The following METTL16 variants were observed in gnomAD, a reference collection of about 807,000 sequenced individuals.
The protein encoded by METTL16 is methyltransferase 16, RNA N6-adenosine, also known as RNA N(6)-adenosine-methyltransferase METTL16.
A neutral mutation model predicts 57.9 loss-of-function variants in METTL16; 19 were observed. The observed-to-expected ratio is 0.33, with a 90% CI of 0.23 to 0.48. The LOEUF is 0.48. METTL16 is among the 20% of genes least tolerant of loss of function. The pLI is 0.99. For synonymous variants in METTL16, 246 were observed against 255.6 expected (o/e 0.96, Z 0.36); for missense variants, 434 against 691.5 (o/e 0.63, Z 4.18).
rs1164558795 is a variant in METTL16 at position 2,503,944 on chromosome 17, C to T, written c.1-1613G>A. Reference sequence around the variant, plus strand: ...ATCAACAAAATACGATATACCCATACAATACATATGATCAACAAAATATGG... The same window carrying T: ...ATCAACAAAATACGATATACCCATATAATACATATGATCAACAAAATATGG... On this transcript the variant is annotated intron_variant, in intron 1 of 9. Coordinates refer to ENST00000263092, the MANE Select transcript of METTL16 (RefSeq NM_024086.4). Among the ~76,000 whole-genome samples the T allele has an allele frequency of 3.3e-5, 5 of 151,694 alleles. No individual in the cohort carries two copies. In the East Asian group the frequency reaches 7.8e-4, roughly 24 times the overall value.
At chr17:2,452,028 TA>T (rs1412243469) in intron 6 of METTL16, among the ~76,000 whole-genome samples, 1 of 150,330 alleles carries the variant, frequency 6.7e-6, no homozygotes, top group Non-Finnish European at 1.5e-5. Flanking sequence ...TCCCAGCTAC[TA>T]GGGGGGCTGA....
chr17:2,423,207 C>A (rs1172683065), intron 8 of METTL16, among the ~76,000 whole-genome samples: 1 of 151,264 alleles, frequency 6.6e-6, no homozygotes, highest in African/African-American at 2.4e-5. Context: ...TACACAACAA[C>A]CTAACCAGTT....
At chr17:2,472,182 A>C (rs2067240056) in intron 4 of METTL16, among the ~76,000 whole-genome samples, 1 of 152,212 alleles carries the variant, frequency 6.6e-6, no homozygotes, top group African/African-American at 2.4e-5. Flanking sequence ...ATGGTAAATA[A>C]GCACATGAAA....
At chr17:2,447,712 T>C (rs1233702297) in intron 6 of METTL16, among the ~76,000 whole-genome samples, 5 of 110,160 alleles carry the variant, frequency 4.5e-5, no homozygotes, top group South Asian at 3.1e-4. Context: ...GGAGGGGGGG[T>C]CAGCCCCCCG....
At chr17:2,466,043 A>G (rs916184855) in intron 5 of METTL16, among the ~76,000 whole-genome samples, 8 of 151,654 alleles carry the variant, frequency 5.3e-5, no homozygotes, top group Non-Finnish European at 8.8e-5. Context: ...AAATACAAAA[A>G]TTAGCCGGGC....
intron 2 of METTL16, among the ~76,000 whole-genome samples, chr17:2,497,593 C>A (rs539642041): frequency 1.3e-5 from 2 of 151,648 alleles, no homozygotes; most frequent in African/African-American, 4.9e-5. Context: ...AGGCATGAGC[C>A]ACTATGCCCG....
chr17:2,459,122 G>GA (rs1213622615), intron 6 of METTL16, among the ~76,000 whole-genome samples: 3 of 151,606 alleles, frequency 2.0e-5, no homozygotes, highest in Non-Finnish European at 2.9e-5. Flanking sequence ...AGTCACTTGA[G>GA]AAAAAAAAGC....
chr17:2,436,605 C>G (rs986693843), intron 8 of METTL16: 1 of 152,518 alleles, frequency 6.6e-6, no homozygotes, highest in African/African-American at 2.4e-5. Flanking sequence ...AGAACAAGCC[C>G]ACTGTAGGCG....
chr17:2,449,241 C>T (rs951510052), intron 6 of METTL16, among the ~76,000 whole-genome samples: 2 of 152,140 alleles, frequency 1.3e-5, no homozygotes, highest in Non-Finnish European at 2.9e-5. Flanking sequence ...ATGGAAGACT[C>T]ATTATTGTTA....
chr17:2,477,932 A>G, intron 2 of METTL16, 47 bp from the exon 3 acceptor site: 2 of 1,517,942 alleles, frequency 1.3e-6, no homozygotes, highest in Non-Finnish European at 1.8e-6. Context: ...AAGATTCACT[A>G]TGTTGTACAA....
At chr17:2,500,435 C>T (rs573414440) in intron 2 of METTL16, among the ~76,000 whole-genome samples, 1 of 152,284 alleles carries the variant, frequency 6.6e-6, no homozygotes, top group African/African-American at 2.4e-5. Flanking sequence ...CTTGCGCCAC[C>T]ACACCCAGCT....
intron 4 of METTL16, among the ~76,000 whole-genome samples, chr17:2,468,609 G>A (rs2067217063): frequency 6.6e-6 from 1 of 152,222 alleles, no homozygotes; most frequent in Non-Finnish European, 1.5e-5. Context: ...GGCCAAGTGT[G>A]ATGGTTCATG....
intron 2 of METTL16, among the ~76,000 whole-genome samples, chr17:2,483,880 T>G (rs2067323944): frequency 6.6e-6 from 1 of 152,246 alleles, no homozygotes; most frequent in Non-Finnish European, 1.5e-5. Flanking sequence ...AAGTTTTACA[T>G]ATGACGAAGA....
chr17:2,479,330 C>CTT (rs34609847), intron 2 of METTL16, among the ~76,000 whole-genome samples: 1,296 of 105,506 alleles, frequency 0.012, 34 homozygotes, highest in African/African-American at 0.044. Flanking sequence ...CCACACTAAG[C>CTT]TTTTTTTTTT....
At chr17:2,428,618 G>A (rs1300883373) in intron 8 of METTL16, among the ~76,000 whole-genome samples, 3 of 123,932 alleles carry the variant, frequency 2.4e-5, no homozygotes, top group Admixed American at 8.7e-5. Context: ...GTAATACAGC[G>A]GGGCACAGTG....
chr17:2,417,199 G>C lies in METTL16; in HGVS notation c.*2771C>G, dbSNP rs1405595521. The stretch of plus-strand genomic sequence containing the variant: ...CTGCCTCAGCCTCCCGAGTAGCTGG[G>C]ATTACAGGCACGTGCTATCATGCCC... On this transcript the variant is annotated 3_prime_UTR_variant, in exon 10 of 10. Coordinates refer to ENST00000263092, the MANE Select transcript of METTL16 (RefSeq NM_024086.4). The C allele has an allele frequency of 6.6e-6, 1 of 152,036 alleles. No homozygotes were observed. The highest frequency in any genetic ancestry group is 2.4e-5 in the African/African-American group (1 of 41,146). 9.4% of individuals were successfully genotyped at this position (152,036 alleles called of 1,614,324 possible). A position where few individuals can be genotyped will look rare whatever the true frequency, so the allele number is the denominator to read the frequency against.
chr17:2,473,841 C>T (rs942875082), intron 3 of METTL16, among the ~76,000 whole-genome samples, 177 bp from the exon 4 acceptor site: 3 of 152,072 alleles, frequency 2.0e-5, no homozygotes, highest in Non-Finnish European at 4.4e-5. Flanking sequence ...TGGGCTCAGG[C>T]GATTCTCCCT....
intron 6 of METTL16, among the ~76,000 whole-genome samples, chr17:2,447,782 C>T (rs1435389660): frequency 1.7e-4 from 21 of 126,548 alleles, no homozygotes; most frequent in Non-Finnish European, 2.8e-4. Context: ...CCCGGCCAGC[C>T]GCCCCGTCCG....
At chr17:2,491,602 ACG>A (rs1567904001) in intron 2 of METTL16, among the ~76,000 whole-genome samples, 17 of 151,910 alleles carry the variant, frequency 1.1e-4, no homozygotes, top group Non-Finnish European at 2.1e-4. Context: ...TTGGCCGGGC[ACG>A]GTGGCTCACA....
Sources: allele counts gnomAD v4.1 joint callset (sites outside exome capture counted in the v4.1 genomes callset), GRCh38; gene constraint gnomAD v4.1.1; transcripts MANE v1.5; gene names NCBI Gene and HGNC (gene_info 2026-07-23, HGNC 2026-07-21).